The following NHEJ1 variants were observed in gnomAD, a reference collection of about 807,000 sequenced individuals.
NHEJ1 encodes non-homologous end-joining factor 1.
Under a neutral mutation model 39.4 loss-of-function variants are expected in NHEJ1, and 22 were observed. The observed-to-expected ratio is 0.56, with a 90% CI of 0.40 to 0.80. The LOEUF (loss-of-function observed/expected upper bound fraction) is 0.80, where lower values mean the gene tolerates loss of function less well. Among genes scored for constraint, NHEJ1 ranks in the 30% least tolerant of loss-of-function variants. NHEJ1 has a pLI of 0.00. For missense variants in NHEJ1, 329 were observed against 357.1 expected (o/e 0.92, Z 0.63); for synonymous variants, 154 against 135.6 (o/e 1.14, Z -0.94).
chr2:219,101,730 T>C (rs1487208163), intron 5 of NHEJ1, among the ~76,000 whole-genome samples: 1 of 150,604 alleles, frequency 6.6e-6, no homozygotes, highest in East Asian at 2.0e-4. Flanking sequence ...CTTTTTTTTT[T>C]TTTTTTGAGA....
At chr2:219,092,414 A>G (rs1949168956) in intron 5 of NHEJ1, among the ~76,000 whole-genome samples, 1 of 152,242 alleles carries the variant, frequency 6.6e-6, no homozygotes, top group Non-Finnish European at 1.5e-5. Context: ...ACATTAAATC[A>G]TGAGATCTAG....
At chr2:219,096,986 G>A (rs1949214591) in intron 5 of NHEJ1, among the ~76,000 whole-genome samples, 1 of 152,180 alleles carries the variant, frequency 6.6e-6, no homozygotes, top group African/African-American at 2.4e-5. Flanking sequence ...AGAGATTATA[G>A]ACAGTTCCTG....
At chr2:219,127,697 C>T (rs1177729350) in intron 5 of NHEJ1, among the ~76,000 whole-genome samples, 1 of 152,208 alleles carries the variant, frequency 6.6e-6, no homozygotes, top group Non-Finnish European at 1.5e-5. Flanking sequence ...TGAAAGGCCT[C>T]ATAAGAAAGA....
chr2:219,119,628 C>T (rs1485074303), intron 5 of NHEJ1, among the ~76,000 whole-genome samples: 1 of 152,182 alleles, frequency 6.6e-6, no homozygotes, highest in Non-Finnish European at 1.5e-5. Flanking sequence ...TGTTTTGGCG[C>T]CACCTGCTGT....
chr2:219,143,809 G>A (rs1161060059), intron 5 of NHEJ1, among the ~76,000 whole-genome samples: 1 of 152,134 alleles, frequency 6.6e-6, no homozygotes, highest in East Asian at 1.9e-4. Context: ...CCCATAGTAT[G>A]AAAACGATGA....
intron 5 of NHEJ1, among the ~76,000 whole-genome samples, chr2:219,143,242 C>T (rs886249418): frequency 7.9e-5 from 12 of 152,108 alleles, no homozygotes; most frequent in Non-Finnish European, 1.6e-4. Flanking sequence ...CTTGGGTGAC[C>T]CCATGACCCT....
chr2:219,157,034 C>T (rs1233943047), intron 3 of NHEJ1, among the ~76,000 whole-genome samples: 2 of 152,176 alleles, frequency 1.3e-5, no homozygotes, highest in Non-Finnish European at 2.9e-5. Context: ...TTTATTTTCT[C>T]CTACTCATCT....
chr2:219,117,463 G>A (rs2106342919), intron 5 of NHEJ1, among the ~76,000 whole-genome samples: 1 of 152,306 alleles, frequency 6.6e-6, no homozygotes, highest in East Asian at 1.9e-4. Flanking sequence ...AATTCTTCAT[G>A]GGGCACAGCC....
chr2:219,145,022 C>G (rs1457100376), intron 5 of NHEJ1, among the ~76,000 whole-genome samples: 1 of 152,110 alleles, frequency 6.6e-6, no homozygotes, highest in African/African-American at 2.4e-5. Flanking sequence ...CAAGACCAGC[C>G]TGATCAACAT....
At chr2:219,080,874 T>C (rs1316062921) in intron 5 of NHEJ1, among the ~76,000 whole-genome samples, 1 of 152,042 alleles carries the variant, frequency 6.6e-6, no homozygotes, top group Non-Finnish European at 1.5e-5. Context: ...ATGACCCCGT[T>C]TGGCTGAGAT....
chr2:219,145,942 T>TA (rs796264986), intron 5 of NHEJ1, among the ~76,000 whole-genome samples: 4,177 of 92,834 alleles, frequency 0.045, 180 homozygotes, highest in African/African-American at 0.14. Context: ...CAAAAAAAAA[T>TA]AAAAAAAAAA....
chr2:219,158,023 A>T (rs1559205546), intron 2 of NHEJ1, among the ~76,000 whole-genome samples, 163 bp downstream of exon 2: 1 of 151,220 alleles, frequency 6.6e-6, no homozygotes, highest in Non-Finnish European at 1.5e-5. Flanking sequence ...ACACACACAC[A>T]CACACACACA....
intron 5 of NHEJ1, among the ~76,000 whole-genome samples, chr2:219,091,655 A>G (rs1009137235): frequency 4.6e-5 from 7 of 152,182 alleles, no homozygotes; most frequent in Admixed American, 6.5e-5. Context: ...GAGGTCTAGC[A>G]ATGTTGAATT....
intron 5 of NHEJ1, among the ~76,000 whole-genome samples, chr2:219,119,203 A>G (rs1949447312): frequency 6.6e-6 from 1 of 152,252 alleles, no homozygotes; most frequent in South Asian, 2.1e-4. Context: ...TCTGTAAAGA[A>G]GTGTCCTGAA....
At chr2:219,114,925 A>C (rs899304032) in intron 5 of NHEJ1, among the ~76,000 whole-genome samples, 2 of 152,186 alleles carry the variant, frequency 1.3e-5, no homozygotes, top group African/African-American at 4.8e-5. Context: ...ACAGAGTCTT[A>C]TTCAAGCCAA....
intron 5 of NHEJ1, among the ~76,000 whole-genome samples, chr2:219,128,501 G>T (rs1021769843): frequency 2.6e-5 from 4 of 152,088 alleles, no homozygotes; most frequent in Non-Finnish European, 5.9e-5. Flanking sequence ...CTGCTACCTC[G>T]GATGAGGAAC....
At chr2:219,159,578 TATATATATGCATATATATATATGC>T (rs1574752134) in intron 1 of NHEJ1, among the ~76,000 whole-genome samples, 5 of 56,328 alleles carry the variant, frequency 8.9e-5, no homozygotes, top group East Asian at 4.0e-4. Context: ...TATATATGCA[TATATATATGCATATATATATATGC>T]ATATATATAC....
At chr2:219,097,884 G>T (rs1285794043) in intron 5 of NHEJ1, among the ~76,000 whole-genome samples, 1 of 152,172 alleles carries the variant, frequency 6.6e-6, no homozygotes, top group Non-Finnish European at 1.5e-5. Context: ...AATGTGGGTA[G>T]AGAATAGAAG....
intron 5 of NHEJ1, among the ~76,000 whole-genome samples, chr2:219,099,282 G>A (rs1949235214): frequency 6.6e-6 from 1 of 152,150 alleles, no homozygotes; most frequent in Non-Finnish European, 1.5e-5. Context: ...ACTACAGGAT[G>A]TTGAACAGTG....
Sources: gnomAD v4.1 joint callset for allele counts (sites outside exome capture counted in the v4.1 genomes callset) on GRCh38, gnomAD v4.1.1 for gene constraint, MANE v1.5 for transcripts, NCBI Gene and HGNC (gene_info 2026-07-23, HGNC 2026-07-21) for gene names.